METAP1: variants seen among roughly 807,000 people sequenced by gnomAD.
The protein encoded by METAP1 is methionine aminopeptidase 1.
A neutral mutation model predicts 53.8 loss-of-function variants in METAP1; 28 were observed. The ratio of observed to expected loss-of-function variants is 0.52; its 90% CI spans 0.39 to 0.71. The LOEUF is 0.71. Among genes scored for constraint, METAP1 ranks in the 30% least tolerant of loss-of-function variants. METAP1 has a pLI of 0.00. For missense variants in METAP1, 389 were observed against 479.8 expected, an observed-to-expected ratio of 0.81 and a Z score of 1.77; for synonymous variants, 181 against 165.7, an observed-to-expected ratio of 1.09 and a Z score of -0.71.
chr4:99,033,310 A>G (rs969247723), intron 2 of METAP1, among the ~76,000 whole-genome samples: 2 of 151,432 alleles, frequency 1.3e-5, no homozygotes, highest in African/African-American at 4.9e-5. Context: ...TTTAAAACCT[A>G]TGGTAGAATG....
intron 5 of METAP1, 78 bp from the exon 6 acceptor site, chr4:99,040,965 C>G: frequency 1.3e-6 from 1 of 760,700 alleles, no homozygotes. Flanking sequence ...TACCAATCTT[C>G]CACAGTCAAA....
intron 7 of METAP1, among the ~76,000 whole-genome samples, chr4:99,044,152 C>T (rs1289503318): frequency 2.6e-5 from 4 of 152,130 alleles, no homozygotes; most frequent in African/African-American, 9.7e-5. Flanking sequence ...TGGTCTCAAA[C>T]TCCTGGACTC....
At chr4:99,025,204 C>CT (rs1010665729) in intron 1 of METAP1, 2 of 239,684 alleles carry the variant, frequency 8.3e-6, no homozygotes, top group African/African-American at 4.7e-5. Flanking sequence ...AAACTATAAA[C>CT]TAAGTTTTTC....
chr4:99,023,041 T>C, intron 1 of METAP1: 5 of 1,392,884 alleles, frequency 3.6e-6, no homozygotes, highest in Non-Finnish European at 4.9e-6. Context: ...TGCTTTGGAT[T>C]CCTCCTGCTC....
At chr4:99,027,301 T>A (rs950376769) in intron 1 of METAP1, among the ~76,000 whole-genome samples, 1 of 152,192 alleles carries the variant, frequency 6.6e-6, no homozygotes, top group African/African-American at 2.4e-5. Flanking sequence ...GGGGTACAGA[T>A]GCTTATTACC....
Position 99,062,105 on chromosome 4 carries a change from CCT to C in METAP1, c.*791_*792del, listed in dbSNP as rs1727578149. On this transcript the variant is annotated 3_prime_UTR_variant, in exon 11 of 11. Coordinates refer to ENST00000296411, the MANE Select transcript of METAP1 (RefSeq NM_015143.3). ...TTTCATAATACACTGCTATTTCAGA[CCT>C]CTGTTTGGTCAGAAATGGAAAAGAA... The C allele has an allele frequency of 6.6e-6, 1 of 152,176 alleles. No homozygotes were observed. The highest frequency in any genetic ancestry group is 2.4e-5 in the African/African-American group (1 of 41,434). The allele number at this position is 152,176 out of a possible 1,614,324, so 9.4% of individuals were successfully genotyped here. A position where few individuals can be genotyped will look rare whatever the true frequency, so the allele number is the denominator to read the frequency against.
At chr4:99,060,516 A>G (rs942308106) in intron 10 of METAP1, among the ~76,000 whole-genome samples, 3 of 151,704 alleles carry the variant, frequency 2.0e-5, no homozygotes, top group African/African-American at 7.3e-5. Flanking sequence ...GGCGCCCAAC[A>G]CCATGCCCGG....
intron 1 of METAP1, among the ~76,000 whole-genome samples, chr4:99,016,081 G>T (rs1723748782): frequency 1.3e-5 from 2 of 152,140 alleles, no homozygotes; most frequent in African/African-American, 4.8e-5. Context: ...TTATGAAGAC[G>T]TGGTCTCCAG....
At chr4:99,049,802 A>G (rs954444189) in intron 9 of METAP1, among the ~76,000 whole-genome samples, 3 of 152,172 alleles carry the variant, frequency 2.0e-5, no homozygotes, top group African/African-American at 7.2e-5. Context: ...ATTAAGTGAG[A>G]TGATACATGG....
chr4:99,043,433 A>G, intron 7 of METAP1, 46 bp downstream of exon 7: 1 of 1,541,718 alleles, frequency 6.5e-7, no homozygotes, highest in Non-Finnish European at 8.7e-7. Flanking sequence ...AAGAAACAAC[A>G]AAGCTTGGGG....
At chr4:99,044,559 A>G (rs893945897) in intron 7 of METAP1, among the ~76,000 whole-genome samples, 2 of 152,142 alleles carry the variant, frequency 1.3e-5, no homozygotes, top group Non-Finnish European at 2.9e-5. Flanking sequence ...CAAAATATCT[A>G]TATTGTGATG....
chr4:99,036,602 C>T (rs1192523445), intron 4 of METAP1, among the ~76,000 whole-genome samples: 1 of 151,956 alleles, frequency 6.6e-6, no homozygotes, highest in Non-Finnish European at 1.5e-5. Flanking sequence ...CTATATTTAC[C>T]TTTTCACCTT....
chr4:99,046,955 A>AAAAAAAAAAAAAAAAAAC (rs1726308558), intron 8 of METAP1, among the ~76,000 whole-genome samples: 1 of 150,692 alleles, frequency 6.6e-6, no homozygotes, highest in Non-Finnish European at 1.5e-5. Flanking sequence ...AAAAAAAAAA[A>AAAAAAAAAAAAAAAAAAC]AAAGAAAAAG....
intron 2 of METAP1, among the ~76,000 whole-genome samples, chr4:99,033,786 T>C (rs1472393274): frequency 6.6e-6 from 1 of 152,220 alleles, no homozygotes; most frequent in Non-Finnish European, 1.5e-5. Context: ...TTGGGATTAC[T>C]TGGGATCTGT....
rs117493110 is a variant in METAP1 at position 99,004,410 on chromosome 4, G to C, written c.114+8543G>C. 8.3e-4 allele frequency among the ~76,000 whole-genome samples: 125 copies of C among 150,452 alleles called. 1 individual carries two copies. The East Asian group carries it at 0.023, about 28-fold the overall frequency. ...AACACTATAACGAGACTGCAACAAG[G>C]CTAGGGGAGTTATTAGCCAAGGAAC... On this transcript the variant is annotated intron_variant, in intron 1 of 10. Coordinates refer to ENST00000296411, the MANE Select transcript of METAP1 (RefSeq NM_015143.3).
chr4:99,011,279 A>G (rs571453151), intron 1 of METAP1, among the ~76,000 whole-genome samples: 1 of 152,096 alleles, frequency 6.6e-6, no homozygotes, highest in Non-Finnish European at 1.5e-5. Flanking sequence ...ATTGAGTTTG[A>G]TGTTAGTTAT....
intron 2 of METAP1, among the ~76,000 whole-genome samples, chr4:99,033,256 T>C (rs922055156): frequency 6.6e-6 from 1 of 152,152 alleles, no homozygotes; most frequent in African/African-American, 2.4e-5. Flanking sequence ...AGTTTTATTT[T>C]TTTTTTTTTC....
intron 1 of METAP1, among the ~76,000 whole-genome samples, chr4:99,020,143 G>T (rs1042272531): frequency 6.6e-6 from 1 of 152,208 alleles, no homozygotes. Flanking sequence ...ATCATGTTCC[G>T]CTCTTCCTTT....
In METAP1 at chr4:99,048,741, G is replaced by C; in HGVS notation, c.796G>C (p.Gly266Arg). The C allele has an allele frequency of 6.2e-7, 1 of 1,613,728 alleles. No homozygotes were observed. The highest frequency in any genetic ancestry group is 8.5e-7 in the Non-Finnish European group (1 of 1,179,770). The change falls in exon 9 of 11, where the codon GGT becomes CGT. Residue 266 changes from glycine (G) to arginine (R), a missense_variant. Gly to Arg is a moderately radical substitution (Grantham distance 125, BLOSUM62 -2). Coordinates refer to ENST00000296411, the MANE Select transcript of METAP1 (RefSeq NM_015143.3). The stretch of plus-strand genomic sequence containing the variant: ...TTCTTTTTTCCTTTCAGTGAAGCCT[G>C]GTGTTCGGTACAGAGAATTGGGAAA... ...LMQAIDAVKP[G>R]VRYRELGNII...
Sources: gnomAD v4.1 joint callset for allele counts (sites outside exome capture counted in the v4.1 genomes callset) on GRCh38, gnomAD v4.1.1 for gene constraint, MANE v1.5 for transcripts, NCBI Gene and HGNC (gene_info 2026-07-23, HGNC 2026-07-21) for gene names.